Variants in ANK1 observed in about 807,000 individuals in gnomAD.
The protein encoded by ANK1 is ankyrin-1.
In ANK1, 51 loss-of-function variants were observed where a neutral mutation model predicts 210.4. That is an observed-to-expected ratio of 0.24 (90% CI 0.19 to 0.31). The LOEUF is 0.31. Ranked by LOEUF, ANK1 falls within the 10% of genes least tolerant of loss-of-function variation. The probability of loss-of-function intolerance (pLI) is 1.00; values close to 1 mark genes in which losing one functional copy is unlikely to be tolerated. For missense variants in ANK1, 2,051 were observed against 2,504.4 expected (o/e 0.82, Z 3.86); for synonymous variants, 967 against 1,025.9 (o/e 0.94, Z 1.10).
chr8:41,785,993 C>T (rs10104738), intron 1 of ANK1, among the ~76,000 whole-genome samples: 81,735 of 152,064 alleles, frequency 0.54, 24,230 homozygotes, highest in African/African-American at 0.8. Flanking sequence ...CTCTGGAGTG[C>T]CCCTTACAGC....
chr8:41,796,922 T>C (rs924744586), intron 1 of ANK1, among the ~76,000 whole-genome samples: 6 of 151,964 alleles, frequency 3.9e-5, no homozygotes, highest in African/African-American at 1.5e-4. Context: ...CATGAGAGCC[T>C]ATCTCCCCAG....
At chr8:41,826,742 C>T (rs1014135430) in intron 1 of ANK1, among the ~76,000 whole-genome samples, 2 of 152,166 alleles carry the variant, frequency 1.3e-5, no homozygotes. Context: ...ATGAATAATA[C>T]ATGTTTTCCC....
chr8:41,791,686 C>T (rs1002817578), intron 1 of ANK1, among the ~76,000 whole-genome samples: 1 of 152,202 alleles, frequency 6.6e-6, no homozygotes, highest in Non-Finnish European at 1.5e-5. Context: ...CCACCTCGGA[C>T]TCCCAAAGTG....
chr8:41,828,795 A>T (rs949495606), intron 1 of ANK1: 1 of 152,268 alleles, frequency 6.6e-6, no homozygotes, highest in African/African-American at 2.4e-5. Flanking sequence ...CATTTTCCTG[A>T]AGATTTTCCA....
chr8:41,844,032 A>C (rs1809532312), intron 1 of ANK1, among the ~76,000 whole-genome samples: 1 of 151,962 alleles, frequency 6.6e-6, no homozygotes, highest in Non-Finnish European at 1.5e-5. Context: ...GCATCACCAC[A>C]CCCAGCTACT....
At chr8:41,737,212 C>T (rs569232430) in intron 2 of ANK1, among the ~76,000 whole-genome samples, 33 of 152,096 alleles carry the variant, frequency 2.2e-4, no homozygotes, top group Non-Finnish European at 3.8e-4. Context: ...GGTAGGAGAA[C>T]AGTTTGAACC....
At chr8:41,684,460 C>T (rs111899611) in intron 37 of ANK1, 84 bp downstream of exon 37, 24,688 of 1,578,290 alleles carry the variant, frequency 0.016, 250 homozygotes, top group Non-Finnish European at 0.018. Flanking sequence ...TGAGGGATGA[C>T]GTATTGTGGG....
At position 41,822,096 on chromosome 8, in the gene ANK1, GAGAGAGAGAGAGAGAGAGAAAGAA is replaced by G. The variant is rs1804423883; in HGVS notation, c.127-63983_127-63960del. The stretch of plus-strand genomic sequence containing the variant: ...AGAGAGAGAGAGAGAGAGAGAGAGA[GAGAGAGAGAGAGAGAGAGAAAGAA>G]AGAGAAAGAAAGAGAAAGAAAGAAA... On this transcript the variant is annotated intron_variant, in intron 1 of 42. Transcript: ENST00000265709. Among the ~76,000 whole-genome samples, 15 of 47,918 alleles carry G rather than the reference GAGAGAGAGAGAGAGAGAGAAAGAA, an allele frequency of 3.1e-4. 1 individual carries two copies. Among genetic ancestry groups the G allele is most frequent in the South Asian group, 1.6e-3 (2 of 1,244 alleles). 31.4% of individuals were successfully genotyped at this position (47,918 alleles called of 152,430 possible).
In ANK1 at chr8:41,797,317, C is replaced by T. The variant is rs1848933952; in HGVS notation, c.27+195G>A. 6.6e-6 allele frequency among the ~76,000 whole-genome samples: 1 copy of T among 152,230 alleles called. No homozygotes were observed. Among genetic ancestry groups the T allele is most frequent in the Admixed American group, 6.5e-5 (1 of 15,286 alleles). On this transcript the variant is annotated intron_variant, in intron 1 of 42. Transcript: ENST00000289734. The surrounding 1 kb of genome is among the most constrained non-coding windows in gnomAD (Gnocchi z 4.0). ...GTAAAAAATATGAAACTGGCTTCAGCGAGTAGGGCAGAGTCCACCTGCTGC... is the reference window on the plus strand; with the variant it reads ...GTAAAAAATATGAAACTGGCTTCAGTGAGTAGGGCAGAGTCCACCTGCTGC...
intron 1 of ANK1, among the ~76,000 whole-genome samples, chr8:41,772,007 G>A (rs963362994): frequency 3.3e-5 from 5 of 152,262 alleles, no homozygotes; most frequent in Non-Finnish European, 4.4e-5. Flanking sequence ...GAACAGGTCC[G>A]GGCTGCTTCA....
At chr8:41,827,716 A>G (rs1805651571) in intron 1 of ANK1, among the ~76,000 whole-genome samples, 1 of 127,584 alleles carries the variant, frequency 7.8e-6, no homozygotes, top group African/African-American at 3.2e-5. Flanking sequence ...ACGCACACCC[A>G]CTCACACTCA....
At chr8:41,723,777 T>C (rs1829931983) in intron 7 of ANK1, 144 bp from the exon 8 acceptor site, 1 of 542,208 alleles carries the variant, frequency 1.8e-6, no homozygotes. Context: ...GATATTTTAT[T>C]TTTTTTTATT....
In ANK1 at chr8:41,696,421, C is replaced by T. The variant is rs1410669515; in HGVS notation, c.2902G>A (p.Glu968Lys). 3 of 1,613,258 alleles carry T rather than the reference C, an allele frequency of 1.9e-6. No individual in the cohort carries two copies. The highest frequency in any genetic ancestry group is 1.7e-6 in the Non-Finnish European group (2 of 1,179,892). ...KLSTPPPLAEEEGLASRIIAL... is the reference protein window; with the variant it reads ...KLSTPPPLAEKEGLASRIIAL... ...ATGATCCTGCTGGCCAGGCCCTCCT[C>T]CTCGGCCAGTGGGGGCGGCGTGCTG... is the stretch of plus-strand genomic sequence containing the variant. Residue 968 changes from glutamate (E) to lysine (K), a missense_variant, in exon 26 of 43, where the codon GAG (glutamate) becomes AAG (lysine). Physicochemically the swap from Glu to Lys is moderately conservative, Grantham distance 56. Around this residue, in one of 6 missense-constraint regions of ANK1, gnomAD observed 1,413 missense variants for 1,707.4 expected, o/e 0.83. Transcript: ENST00000289734.
At chr8:41,859,126 G>GC (rs1449719965) in intron 1 of ANK1, among the ~76,000 whole-genome samples, 1 of 152,198 alleles carries the variant, frequency 6.6e-6, no homozygotes, top group African/African-American at 2.4e-5. Flanking sequence ...AAGAGCGCAG[G>GC]CCCCCCACGG....
intron 22 of ANK1, among the ~76,000 whole-genome samples, chr8:41,701,031 A>G (rs1424996129): frequency 6.6e-6 from 1 of 152,192 alleles, no homozygotes; most frequent in African/African-American, 2.4e-5. Context: ...GGCTGCCCAA[A>G]GTTCTGGGAT....
At chr8:41,871,108 T>G (rs1014579931) in intron 1 of ANK1, among the ~76,000 whole-genome samples, 1 of 152,168 alleles carries the variant, frequency 6.6e-6, no homozygotes, top group Non-Finnish European at 1.5e-5. Flanking sequence ...CCTCTGCTAC[T>G]ATGACCCACA....
chr8:41,784,042 C>T (rs1845861511), intron 1 of ANK1, among the ~76,000 whole-genome samples: 1 of 131,768 alleles, frequency 7.6e-6, no homozygotes, highest in Admixed American at 8.2e-5. Flanking sequence ...TTGGTGGCAT[C>T]GCAAGACCCT....
intron 1 of ANK1, among the ~76,000 whole-genome samples, chr8:41,764,015 A>T (rs190247273): frequency 6.7e-6 from 1 of 148,322 alleles, no homozygotes; most frequent in Non-Finnish European, 1.5e-5. Context: ...GCAACTACAC[A>T]TCATTCAGTT....
At chr8:41,715,113 GGCT>G (rs1453589032) in intron 14 of ANK1, 39 bp from the exon 15 acceptor site, 16 of 1,586,834 alleles carry the variant, frequency 1.0e-5, no homozygotes, top group African/African-American at 2.7e-5. Flanking sequence ...GGGGCCCCAG[GGCT>G]GTCCTCCCTG....
Sources: gnomAD v4.1 joint callset for allele counts (sites outside exome capture counted in the v4.1 genomes callset) on GRCh38, gnomAD v4.1.1 for gene constraint, gnomAD v4.1.1 regional missense constraint, Gnocchi (gnomAD v3.1) non-coding constraint, MANE v1.5 for transcripts, NCBI Gene and HGNC (gene_info 2026-07-23, HGNC 2026-07-21) for gene names.